SYT2: variants seen among roughly 807,000 people sequenced by gnomAD.
The protein encoded by SYT2 is synaptotagmin-2.
A neutral mutation model predicts 39.9 loss-of-function variants in SYT2; 15 were observed. That is an observed-to-expected ratio of 0.38 (90% CI 0.25 to 0.58). SYT2 has a LOEUF of 0.58. SYT2 is among the 20% of genes least tolerant of loss of function. The probability of loss-of-function intolerance (pLI) is 0.70; values close to 1 mark genes in which losing one functional copy is unlikely to be tolerated. For synonymous variants in SYT2, 181 were observed against 204.5 expected, an observed-to-expected ratio of 0.89 and a Z score of 0.98; for missense variants, 389 against 530.3, an observed-to-expected ratio of 0.73 and a Z score of 2.62.
intron 1 of SYT2, among the ~76,000 whole-genome samples, chr1:202,617,919 T>C (rs1472090842): frequency 2.0e-5 from 3 of 152,166 alleles, no homozygotes; most frequent in South Asian, 2.1e-4. Context: ...TTGTTGTTGT[T>C]GTTGAGATGG....
intron 1 of SYT2, among the ~76,000 whole-genome samples, chr1:202,644,920 G>T (rs1692047947): frequency 6.6e-6 from 1 of 152,188 alleles, no homozygotes; most frequent in South Asian, 2.1e-4. Flanking sequence ...CTCCTGGCCG[G>T]GCTGGAGCCT....
At chr1:202,662,655 G>A (rs897758681) in intron 1 of SYT2, among the ~76,000 whole-genome samples, 1 of 152,162 alleles carries the variant, frequency 6.6e-6, no homozygotes, top group African/African-American at 2.4e-5. Flanking sequence ...CATGTGCCAG[G>A]CTCATTAAGA....
intron 1 of SYT2, among the ~76,000 whole-genome samples, chr1:202,674,022 A>AT (rs922016487): frequency 1.6e-4 from 24 of 151,998 alleles, no homozygotes; most frequent in South Asian, 1.2e-3. Flanking sequence ...GTTAATGTGT[A>AT]TTTTTTTTAA....
intron 1 of SYT2, among the ~76,000 whole-genome samples, chr1:202,663,186 C>G (rs4245708): frequency 0.46 from 69,393 of 152,046 alleles, 17,182 homozygotes; most frequent in East Asian, 0.79. Context: ...AGCCAGCCAC[C>G]CTTTGCCCCA....
At chr1:202,708,573 C>G (rs1654309321) in intron 1 of SYT2, among the ~76,000 whole-genome samples, 1 of 152,028 alleles carries the variant, frequency 6.6e-6, no homozygotes, top group African/African-American at 2.4e-5. Context: ...TGGGCACTGG[C>G]CATTTTCCAG....
intron 8 of SYT2, among the ~76,000 whole-genome samples, chr1:202,597,217 G>A (rs922853052): frequency 1.3e-5 from 2 of 152,192 alleles, no homozygotes; most frequent in Non-Finnish European, 2.9e-5. Context: ...CTTGGAGGGG[G>A]AGAAGAGGGA....
intron 1 of SYT2, among the ~76,000 whole-genome samples, chr1:202,692,998 A>C (rs1469128077): frequency 2.6e-5 from 4 of 152,228 alleles, no homozygotes; most frequent in South Asian, 2.1e-4. Context: ...AAATTTTTTA[A>C]AAATTTCAAT....
Position 202,595,432 on chromosome 1 carries a change from G to A in SYT2, c.*1325C>T, listed in dbSNP as rs934678944. 6.6e-6 allele frequency: 1 copy of A among 152,238 alleles called. No individual in the cohort carries two copies. The highest frequency in any genetic ancestry group is 1.5e-5 in the Non-Finnish European group (1 of 68,054). The allele number at this position is 152,238 out of a possible 1,614,324, so 9.4% of individuals were successfully genotyped here. A position where few individuals can be genotyped will look rare whatever the true frequency, so the allele number is the denominator to read the frequency against. On this transcript the variant is annotated 3_prime_UTR_variant, in exon 9 of 9. Coordinates refer to ENST00000367268, the MANE Select transcript of SYT2 (RefSeq NM_177402.5). Reference sequence around the variant, plus strand: ...CCATAGGTCTCCCTGGGCCACTCCAGCTACCTATCAGCTCTCCAGCATGGA... The same window carrying A: ...CCATAGGTCTCCCTGGGCCACTCCAACTACCTATCAGCTCTCCAGCATGGA...
At chr1:202,666,622 C>A (rs1001413277) in intron 1 of SYT2, among the ~76,000 whole-genome samples, 1 of 152,180 alleles carries the variant, frequency 6.6e-6, no homozygotes, top group South Asian at 2.1e-4. Flanking sequence ...CTCTCTGGGA[C>A]CAATGTGCTT....
At chr1:202,602,628 A>C in intron 4 of SYT2, 83 bp from the exon 5 acceptor site, 1 of 1,396,646 alleles carries the variant, frequency 7.2e-7, no homozygotes, top group East Asian at 2.3e-5. Flanking sequence ...GCACCCACCA[A>C]TTCCGTCCCA....
At chr1:202,612,443 C>T (rs1272230006) in intron 1 of SYT2, among the ~76,000 whole-genome samples, 1 of 152,232 alleles carries the variant, frequency 6.6e-6, no homozygotes, top group Non-Finnish European at 1.5e-5. Flanking sequence ...ACATGGCTCA[C>T]TGCAGCCTTG....
chr1:202,656,035 G>A (rs1199165041), intron 1 of SYT2, among the ~76,000 whole-genome samples: 4 of 152,224 alleles, frequency 2.6e-5, no homozygotes, highest in African/African-American at 9.6e-5. Flanking sequence ...CTTATTGTGT[G>A]CAGAGAGGAG....
At chr1:202,639,733 C>T in intron 1 of SYT2, 1 of 985,468 alleles carries the variant, frequency 1.0e-6, no homozygotes, top group Non-Finnish European at 1.2e-6. Context: ...TGTGGCTGAG[C>T]TCTTCCTTTC....
At chr1:202,687,379 A>G (rs1226428907) in intron 1 of SYT2, among the ~76,000 whole-genome samples, 2 of 152,084 alleles carry the variant, frequency 1.3e-5, no homozygotes, top group Non-Finnish European at 2.9e-5. Flanking sequence ...CTTCATCTCT[A>G]CGTGAGTTAC....
At chr1:202,706,266 T>C (rs4400672) in intron 1 of SYT2, among the ~76,000 whole-genome samples, 46,982 of 151,588 alleles carry the variant, frequency 0.31, 7,506 homozygotes, top group South Asian at 0.44. Context: ...GGGGATGAAA[T>C]GCAGGACTGA....
intron 1 of SYT2, among the ~76,000 whole-genome samples, chr1:202,664,238 G>A (rs1692441843): frequency 6.6e-6 from 1 of 152,106 alleles, no homozygotes; most frequent in Admixed American, 6.5e-5. Flanking sequence ...TGAAGTCCCA[G>A]CTCATGCCTC....
intron 1 of SYT2, among the ~76,000 whole-genome samples, chr1:202,635,783 G>C (rs1691724837): frequency 6.6e-6 from 1 of 152,128 alleles, no homozygotes; most frequent in African/African-American, 2.4e-5. Flanking sequence ...AAGATATTGG[G>C]GGCCAAACCA....
chr1:202,674,776 G>A (rs111719840), intron 1 of SYT2, among the ~76,000 whole-genome samples: 2,358 of 152,166 alleles, frequency 0.015, 40 homozygotes, highest in Non-Finnish European at 0.024. Flanking sequence ...CCGCAGCTCT[G>A]CTCTCTCACC....
At chr1:202,607,884 T>G (rs1690760567) in intron 1 of SYT2, among the ~76,000 whole-genome samples, 1 of 150,596 alleles carries the variant, frequency 6.6e-6, no homozygotes, top group Non-Finnish European at 1.5e-5. Flanking sequence ...CTGTGACCTT[T>G]TTTTTTTAAA....
Sources: gnomAD v4.1 joint callset for allele counts (sites outside exome capture counted in the v4.1 genomes callset) on GRCh38, gnomAD v4.1.1 for gene constraint, MANE v1.5 for transcripts, NCBI Gene and HGNC (gene_info 2026-07-23, HGNC 2026-07-21) for gene names.